The following FSTL5 variants were observed in gnomAD, a reference collection of about 807,000 sequenced individuals.
FSTL5 encodes the protein follistatin like 5.
In FSTL5, 62 loss-of-function variants were observed where a neutral mutation model predicts 89.1. That is an observed-to-expected ratio of 0.70 (90% CI 0.57 to 0.86). The LOEUF is 0.86. Among genes scored for constraint, FSTL5 ranks in the 40% least tolerant of loss-of-function variants. FSTL5 has a pLI of 0.00. For missense variants in FSTL5, 1,057 were observed against 1,001.6 expected (o/e 1.06, Z -0.75); for synonymous variants, 383 against 346.2 (o/e 1.11, Z -1.18).
intron 13 of FSTL5, among the ~76,000 whole-genome samples, chr4:161,475,590 A>G (rs1448225880): frequency 6.6e-6 from 1 of 152,064 alleles, no homozygotes; most frequent in African/African-American, 2.4e-5. Context: ...TCAAATTTTT[A>G]AATATTTTTT....
At chr4:161,720,642 C>T (rs920989617) in intron 6 of FSTL5, among the ~76,000 whole-genome samples, 9 of 151,916 alleles carry the variant, frequency 5.9e-5, no homozygotes, top group Non-Finnish European at 1.2e-4. Context: ...GAGTAAATAA[C>T]GAAAATAGTG....
intron 7 of FSTL5, among the ~76,000 whole-genome samples, chr4:161,615,754 T>C (rs1734845063): frequency 6.6e-6 from 1 of 152,182 alleles, no homozygotes; most frequent in South Asian, 2.1e-4. Context: ...TTCTCCTCAC[T>C]ATATAAAATA....
chr4:161,831,460 A>G (rs1391108119), intron 4 of FSTL5, among the ~76,000 whole-genome samples: 1 of 151,916 alleles, frequency 6.6e-6, no homozygotes, highest in African/African-American at 2.4e-5. Flanking sequence ...AGGCAGTAAT[A>G]CAAAACTTAG....
At chr4:162,066,479 T>C (rs1042419262) in intron 2 of FSTL5, among the ~76,000 whole-genome samples, 8 of 150,480 alleles carry the variant, frequency 5.3e-5, no homozygotes, top group Non-Finnish European at 7.4e-5. Flanking sequence ...GTTTGCTGCA[T>C]AGGTATACAT....
chr4:161,551,498 G>A (rs1732211074), intron 8 of FSTL5, among the ~76,000 whole-genome samples: 1 of 151,538 alleles, frequency 6.6e-6, no homozygotes, highest in South Asian at 2.1e-4. Flanking sequence ...TTTGTCAGAT[G>A]AGTAGCCAAA....
At chr4:162,019,066 G>C (rs2111151386) in intron 3 of FSTL5, among the ~76,000 whole-genome samples, 2 of 152,100 alleles carry the variant, frequency 1.3e-5, no homozygotes, top group Middle Eastern at 6.8e-3. Flanking sequence ...CTATACATTT[G>C]ACTTTGTCAG....
chr4:161,481,264 A>G, intron 12 of FSTL5, 95 bp from the exon 13 acceptor site: 1 of 832,396 alleles, frequency 1.2e-6, no homozygotes, highest in Middle Eastern at 2.4e-4. Context: ...ATACTTTACT[A>G]CTTTCAGCAT....
Position 161,629,641 on chromosome 4 carries a change from G to A in FSTL5, c.894+26687C>T, listed in dbSNP as rs968015262. Among the ~76,000 whole-genome samples, 7 of 152,186 alleles carry A rather than the reference G, an allele frequency of 4.6e-5. No individual in the cohort carries two copies. In the East Asian group the frequency reaches 7.7e-4, roughly 17 times the overall value. On this transcript the variant is annotated intron_variant, in intron 7 of 15. Transcript: ENST00000306100. ...ATTACAGGCCTGAGCCACCGCGCCC[G>A]GCCCATAAAATGTTTTTAATGAAAG... is the stretch of plus-strand genomic sequence containing the variant.
intron 1 of FSTL5, among the ~76,000 whole-genome samples, chr4:162,159,642 CAG>C (rs1293262227): frequency 6.6e-6 from 1 of 151,882 alleles, no homozygotes. Flanking sequence ...CAGGGATATC[CAG>C]GCTGTGTTCT....
intron 2 of FSTL5, among the ~76,000 whole-genome samples, chr4:162,106,293 G>T (rs1042465155): frequency 6.6e-6 from 1 of 152,122 alleles, no homozygotes; most frequent in African/African-American, 2.4e-5. Context: ...AGAGATAAAA[G>T]CATTTTAAGG....
chr4:161,987,485 T>TATATACAC (rs984214889), intron 3 of FSTL5, among the ~76,000 whole-genome samples: 3 of 143,606 alleles, frequency 2.1e-5, no homozygotes, highest in Non-Finnish European at 4.5e-5. Flanking sequence ...TATATATATA[T>TATATACAC]ACATACATAT....
intron 11 of FSTL5, among the ~76,000 whole-genome samples, chr4:161,502,094 C>A (rs563136460): frequency 2.3e-4 from 35 of 151,904 alleles, no homozygotes; most frequent in Admixed American, 4.6e-4. Flanking sequence ...AAATACTGTT[C>A]GAAAATTATG....
intron 1 of FSTL5, among the ~76,000 whole-genome samples, chr4:162,114,658 G>A (rs1363929789): frequency 6.6e-6 from 1 of 151,766 alleles, no homozygotes; most frequent in East Asian, 1.9e-4. Context: ...ATCTTATAAA[G>A]CTTCTGTTAG....
At chr4:161,705,650 CTTCT>C (rs1738540981) in intron 6 of FSTL5, among the ~76,000 whole-genome samples, 1 of 151,678 alleles carries the variant, frequency 6.6e-6, no homozygotes, top group Non-Finnish European at 1.5e-5. Flanking sequence ...TGATCAAATT[CTTCT>C]TTCTTAATTT....
At chr4:161,993,971 T>C (rs913858206) in intron 3 of FSTL5, among the ~76,000 whole-genome samples, 3 of 152,144 alleles carry the variant, frequency 2.0e-5, no homozygotes, top group African/African-American at 7.2e-5. Flanking sequence ...TGGGGGTTTG[T>C]TGTACAGATT....
intron 6 of FSTL5, among the ~76,000 whole-genome samples, chr4:161,685,490 T>G (rs1579019791): frequency 6.6e-6 from 1 of 152,160 alleles, no homozygotes; most frequent in East Asian, 1.9e-4. Flanking sequence ...TTCCTAAGTG[T>G]TTTATTTATT....
rs189821988 is a variant in FSTL5 at position 161,574,119 on chromosome 4, C to A, written c.1015+13336G>T. ...TCTTCTTGCCTTCATCTGATGAGGA[C>A]CCTTATAATTATATTTAGCACCAAC... is the stretch of plus-strand genomic sequence containing the variant. On this transcript the variant is annotated intron_variant, in intron 8 of 15. Coordinates refer to ENST00000306100, the MANE Select transcript of FSTL5 (RefSeq NM_020116.5). Among the ~76,000 whole-genome samples the A allele has an allele frequency of 2.1e-3, 316 of 152,170 alleles. 2 individuals are homozygous for A. The highest frequency in any genetic ancestry group is 3.9e-3 in the Non-Finnish European group (262 of 68,004).
At chr4:162,153,705 T>A (rs1190634732) in intron 1 of FSTL5, among the ~76,000 whole-genome samples, 4 of 140,090 alleles carry the variant, frequency 2.9e-5, no homozygotes, top group Non-Finnish European at 6.1e-5. Context: ...ATATGTATAT[T>A]ATATATGTAT....
intron 3 of FSTL5, among the ~76,000 whole-genome samples, chr4:162,007,371 T>C (rs1736642833): frequency 6.6e-6 from 1 of 151,796 alleles, no homozygotes; most frequent in South Asian, 2.1e-4. Context: ...GAGCTATAAG[T>C]AATTACAAGA....
Sources: gnomAD v4.1 joint callset for allele counts (sites outside exome capture counted in the v4.1 genomes callset) on GRCh38, gnomAD v4.1.1 for gene constraint, MANE v1.5 for transcripts, NCBI Gene and HGNC (gene_info 2026-07-23, HGNC 2026-07-21) for gene names.